Variants in OTOA observed in about 807,000 individuals in gnomAD.
OTOA encodes the protein otoancorin, also known as cancer/testis antigen 108.
OTOA carries 70 observed loss-of-function variants against 110.8 expected under a neutral mutation model. That is an observed-to-expected ratio of 0.63 (90% CI 0.52 to 0.77). The LOEUF is 0.77. OTOA is among the 30% of genes least tolerant of loss of function. The probability of loss-of-function intolerance (pLI) is 0.00; values close to 1 mark genes in which losing one functional copy is unlikely to be tolerated. For synonymous variants in OTOA, 373 were observed against 431.5 expected, an observed-to-expected ratio of 0.86 and a Z score of 1.68; for missense variants, 917 against 1,075.8, an observed-to-expected ratio of 0.85 and a Z score of 2.06.
In OTOA at chr16:21,728,286, C is replaced by A. The variant is rs1898990508; in HGVS notation, c.2062C>A (p.Leu688Met). The change falls in exon 20 of 29, where the codon CTG becomes ATG. Residue 688 changes from leucine (L) to methionine (M), a missense_variant. Around this residue, in one of 6 missense-constraint regions of OTOA, gnomAD observed 840 missense variants for 910.2 expected, o/e 0.92. Transcript: ENST00000646100. ...DEYTVDIMGN[L>M]LCHLPAAIID... is the part of the protein sequence containing the mutation. ...GTACACTGTGGACATCATGGGGAACCTGCTGTGTCACTTGCCGGCAGCCAT... is the reference window on the plus strand; with the variant it reads ...GTACACTGTGGACATCATGGGGAACATGCTGTGTCACTTGCCGGCAGCCAT... The A allele has an allele frequency of 2.5e-6, 4 of 1,614,158 alleles. No homozygotes were observed. The highest frequency in any genetic ancestry group is 2.2e-5 in the East Asian group (1 of 44,868).
chr16:21,700,216 A>G (rs916222094), intron 10 of OTOA, among the ~76,000 whole-genome samples: 2 of 152,196 alleles, frequency 1.3e-5, no homozygotes, highest in African/African-American at 4.8e-5. Flanking sequence ...AGGGCCATTT[A>G]TAAACTCATT....
At chr16:21,726,766 A>G (rs1898931730) in intron 19 of OTOA, 108 bp downstream of exon 19, 1 of 1,459,686 alleles carries the variant, frequency 6.9e-7, no homozygotes. Flanking sequence ...GATGGCCAGA[A>G]GTCTGACTGG....
At chr16:21,758,394 A>G (rs987853129) in intron 28 of OTOA, among the ~76,000 whole-genome samples, 69 of 149,208 alleles carry the variant, frequency 4.6e-4, no homozygotes, top group African/African-American at 1.6e-3. Flanking sequence ...GGGAACACAC[A>G]TGGGTCAGGA....
rs761325846 is a variant in OTOA, at chr16:21,719,957, C to CT, written c.1806+469dup. 9.6e-3 allele frequency among the ~76,000 whole-genome samples: 1,311 copies of CT among 136,518 alleles called. 25 individuals are homozygous for CT. The highest frequency in any genetic ancestry group is 0.047 in the East Asian group (223 of 4,738). The allele number at this position is 136,518 out of a possible 152,430, so 89.6% of individuals were successfully genotyped here. ...GGAGACTAGAAGCAGTAACTGATTT[C>CT]TTTTTTTTTTTTTTTTGAGACACAG... On this transcript the variant is annotated intron_variant, in intron 17 of 28. Transcript: ENST00000646100.
At chr16:21,735,398 A>G (rs1279614887) in intron 21 of OTOA, among the ~76,000 whole-genome samples, 1 of 151,904 alleles carries the variant, frequency 6.6e-6, no homozygotes, top group African/African-American at 2.4e-5. Context: ...GACAGTACCA[A>G]GGGGATTGTA....
chr16:21,669,389 A>G (rs1336051811), intron 1 of OTOA, among the ~76,000 whole-genome samples: 1 of 151,606 alleles, frequency 6.6e-6, no homozygotes, highest in Non-Finnish European at 1.5e-5. Context: ...AAAAAAGCAA[A>G]CACAAAAAAC....
At chr16:21,697,917 C>A (rs778220981) in intron 10 of OTOA, 42 bp downstream of exon 10, 1 of 1,506,106 alleles carries the variant, frequency 6.6e-7, no homozygotes, top group Non-Finnish European at 9.2e-7. Context: ...ATTACTAATA[C>A]ACTTGGGGTA....
Position 21,719,092 on chromosome 16 carries a change from T to C in OTOA, c.1630-41T>C. 1.9e-6 allele frequency: 3 copies of C among 1,569,198 alleles called. No individual in the cohort carries two copies. In the Admixed American group the frequency reaches 5.0e-5, roughly 26 times the overall value. ...GGGCCTCACAGTGTTGGGCACACGC[T>C]GAGTGTGCCATCAGTGCTAACGATC... On this transcript the variant is annotated intron_variant, in intron 15 of 28. Coordinates refer to ENST00000646100, the MANE Select transcript of OTOA (RefSeq NM_144672.4).
chr16:21,681,225 G>T (rs1416954788), intron 5 of OTOA, among the ~76,000 whole-genome samples: 8 of 152,176 alleles, frequency 5.3e-5, no homozygotes, highest in African/African-American at 1.9e-4. Flanking sequence ...TTGGGAATTG[G>T]CTTTGAGAGA....
chr16:21,726,546 C>A lies in OTOA; in HGVS notation c.1904C>A (p.Pro635Gln), dbSNP rs772164368. ...ALPARYLASVPASQCVPFLIS... is the reference protein window; with the variant it reads ...ALPARYLASVQASQCVPFLIS... ...AGGGCCCGCTACCTGGCTTCTGTCC[C>A]AGCCTCCCAGTGTGTGCCCTTTCTG... Residue 635 changes from proline to glutamine, a missense_variant, in exon 19 of 29, where the codon CCA (proline) becomes CAA (glutamine). This residue lies in a region of OTOA where 840 missense variants were observed against 910.2 expected (regional missense o/e 0.92). Coordinates refer to ENST00000646100, the MANE Select transcript of OTOA (RefSeq NM_144672.4). 8 of 1,613,990 alleles carry A rather than the reference C, an allele frequency of 5.0e-6. No individual in the cohort carries two copies. Among genetic ancestry groups the A allele is most frequent in the Non-Finnish European group, 5.9e-6 (7 of 1,180,026 alleles).
chr16:21,712,825 C>A (rs551137669), intron 13 of OTOA, among the ~76,000 whole-genome samples: 1 of 151,654 alleles, frequency 6.6e-6, no homozygotes, highest in East Asian at 1.9e-4. Context: ...GAAATGAAAA[C>A]AAAAGCTTTT....
At chr16:21,697,533 T>A (rs1227727348) in intron 9 of OTOA, among the ~76,000 whole-genome samples, 5 of 152,070 alleles carry the variant, frequency 3.3e-5, no homozygotes, top group Non-Finnish European at 4.4e-5. Context: ...CTTGGGAGAC[T>A]GAGGCAGGAG....
At chr16:21,697,037 C>CTTTTTTTTTT (rs56124254) in intron 9 of OTOA, among the ~76,000 whole-genome samples, 16 of 65,048 alleles carry the variant, frequency 2.5e-4, no homozygotes, top group East Asian at 4.4e-4. Flanking sequence ...CTACAGCTGG[C>CTTTTTTTTTT]TTTTTTTTTT....
At chr16:21,666,382 T>C (rs937011299) in intron 1 of OTOA, among the ~76,000 whole-genome samples, 2 of 151,944 alleles carry the variant, frequency 1.3e-5, no homozygotes, top group African/African-American at 4.8e-5. Flanking sequence ...ATGGTTTGTG[T>C]CTGGGCTGGG....
At chr16:21,675,087 TTC>T (rs1491005605) in intron 1 of OTOA, among the ~76,000 whole-genome samples, 9 of 122,412 alleles carry the variant, frequency 7.4e-5, no homozygotes, top group Non-Finnish European at 1.2e-4. Context: ...CTTTCTTTCT[TTC>T]TTTCTTTCTT....
chr16:21,686,002 G>A (rs777198961), intron 7 of OTOA, among the ~76,000 whole-genome samples: 3 of 152,114 alleles, frequency 2.0e-5, no homozygotes, highest in African/African-American at 2.4e-5. Flanking sequence ...AGGAGCTCAC[G>A]GTCTGGAGGG....
chr16:21,719,198 A>C lies in OTOA; in HGVS notation c.1688+7A>C. On this transcript the variant is annotated splice_region_variant and intron_variant, in intron 16 of 28. Transcript: ENST00000646100. ...GGCCTGAGGAGCTTTTGAGGTAGGA[A>C]AATGTAACTCGGCCTGGGTGCTGAA... 1 of 1,614,074 alleles carries C rather than the reference A, an allele frequency of 6.2e-7. No homozygotes were observed. Among genetic ancestry groups the C allele is most frequent in the Non-Finnish European group, 8.5e-7 (1 of 1,179,978 alleles).
intron 12 of OTOA, among the ~76,000 whole-genome samples, chr16:21,708,256 T>A (rs1898252466): frequency 6.6e-6 from 1 of 152,140 alleles, no homozygotes; most frequent in Non-Finnish European, 1.5e-5. Context: ...TAGATTCTCA[T>A]AAAGAGCGCA....
chr16:21,692,328 A>G (rs940195244), intron 9 of OTOA, among the ~76,000 whole-genome samples: 33 of 146,034 alleles, frequency 2.3e-4, no homozygotes, highest in African/African-American at 6.7e-4. Flanking sequence ...CTCCGTCTCG[A>G]AAAAAAAAAA....
Sources: allele counts gnomAD v4.1 joint callset (sites outside exome capture counted in the v4.1 genomes callset), GRCh38; gene constraint gnomAD v4.1.1; regional missense constraint gnomAD v4.1.1; transcripts MANE v1.5; gene names NCBI Gene and HGNC (gene_info 2026-07-23, HGNC 2026-07-21).